Variants in ZC3H12B observed in about 807,000 individuals in gnomAD.
ZC3H12B encodes zinc finger CCCH-type containing 12B.
In ZC3H12B, 7 loss-of-function variants were observed where a neutral mutation model predicts 43.9. That is an observed-to-expected ratio of 0.16 (90% confidence interval 0.09 to 0.30). The LOEUF (loss-of-function observed/expected upper bound fraction) is 0.30. ZC3H12B is among the 10% of genes least tolerant of loss of function. The pLI, the probability that ZC3H12B is intolerant of heterozygous loss-of-function variation, is 1.00. For missense variants in ZC3H12B, 475 were observed against 670.2 expected, an observed-to-expected ratio of 0.71 and a Z score of 3.22; for synonymous variants, 222 against 241.7, an observed-to-expected ratio of 0.92 and a Z score of 0.76.
chrX:65,261,025 T>A, the ZC3H12B span, among the ~76,000 whole-genome samples: 2 of 112,003 alleles, frequency 1.8e-5, no homozygotes, highest in African/African-American at 6.5e-5. Context: ...CTGCTTTTCA[T>A]CACCTTTTCT....
At chrX:65,214,980 G>T in the ZC3H12B span, among the ~76,000 whole-genome samples, 1 of 111,668 alleles carries the variant, frequency 9.0e-6, no homozygotes, top group Non-Finnish European at 1.9e-5. Flanking sequence ...GTTATTGAGT[G>T]TCTAGGTGCA....
the ZC3H12B span, among the ~76,000 whole-genome samples, chrX:65,093,511 G>T: frequency 1.2e-4 from 14 of 112,300 alleles, no homozygotes; most frequent in African/African-American, 4.5e-4. Context: ...GGGCAGGGCT[G>T]TGCAAGGCCT....
At chrX:65,228,701 C>G in the ZC3H12B span, among the ~76,000 whole-genome samples, 2 of 112,068 alleles carry the variant, frequency 1.8e-5, no homozygotes, top group Middle Eastern at 4.2e-3. Context: ...GATACAAAAT[C>G]AATGTACAAA....
At chrX:65,317,970 C>T in the ZC3H12B span, among the ~76,000 whole-genome samples, 1 of 106,589 alleles carries the variant, frequency 9.4e-6, no homozygotes, top group Admixed American at 1.0e-4. Context: ...GTGAGTTTTG[C>T]TGCTATAAAC....
chrX:65,413,274 C>T (rs772808753), intron 3 of ZC3H12B, among the ~76,000 whole-genome samples: 1 of 111,566 alleles, frequency 9.0e-6, no homozygotes, highest in Non-Finnish European at 1.9e-5. Flanking sequence ...TGATCATGTT[C>T]GTTAAAGTAC....
chrX:65,304,083 G>T, the ZC3H12B span, among the ~76,000 whole-genome samples: 1 of 112,149 alleles, frequency 8.9e-6, no homozygotes, highest in Non-Finnish European at 1.9e-5. Flanking sequence ...GAGCCAAAAC[G>T]TTATGTGGAA....
At chrX:65,456,409 C>G (rs1375006588) in intron 3 of ZC3H12B, among the ~76,000 whole-genome samples, 1 of 40,291 alleles carries the variant, frequency 2.5e-5, no homozygotes, top group Non-Finnish European at 4.2e-5. Flanking sequence ...CTCTCCCTCT[C>G]CCTCTCCCTC....
the ZC3H12B span, among the ~76,000 whole-genome samples, chrX:65,083,673 T>C: frequency 8.9e-6 from 1 of 111,849 alleles, no homozygotes; most frequent in African/African-American, 3.2e-5. Flanking sequence ...AAAATGTCCA[T>C]ACTACTCCCA....
upstream of ZC3H12B, among the ~76,000 whole-genome samples, chrX:65,485,211 T>A (rs945110273): frequency 3.6e-5 from 4 of 112,226 alleles, no homozygotes; most frequent in African/African-American, 1.3e-4. Flanking sequence ...CTTTAATACA[T>A]TCATTTGTGG....
At chrX:65,126,145 A>G in the ZC3H12B span, among the ~76,000 whole-genome samples, 1 of 109,305 alleles carries the variant, frequency 9.1e-6, no homozygotes, top group African/African-American at 3.3e-5. Context: ...TTCAAGATCT[A>G]GAGCTCCTTT....
exon 5 of ZC3H12B, chrX:65,503,831 G>T: frequency 9.0e-6 from 1 of 110,947 alleles, no homozygotes; most frequent in Non-Finnish European, 1.9e-5. Flanking sequence ...TGGCCAGGCT[G>T]GTCTCAAACT....
chrX:65,176,249 C>T, the ZC3H12B span, among the ~76,000 whole-genome samples: 1 of 111,535 alleles, frequency 9.0e-6, no homozygotes, highest in Non-Finnish European at 1.9e-5. Flanking sequence ...CAGTTTTCTC[C>T]TCACAGTGTA....
the ZC3H12B span, among the ~76,000 whole-genome samples, chrX:65,190,462 C>G: frequency 1.8e-5 from 2 of 110,674 alleles, no homozygotes; most frequent in African/African-American, 6.6e-5. Flanking sequence ...TTTGTATCCT[C>G]TTTTATTTCC....
chrX:65,058,231 T>G, the ZC3H12B span, among the ~76,000 whole-genome samples: 3 of 111,669 alleles, frequency 2.7e-5, no homozygotes, highest in African/African-American at 9.8e-5. Flanking sequence ...CTTTGGTCTT[T>G]GATGATGGTG....
At chrX:65,330,682 G>T in the ZC3H12B span, 1 of 117,834 alleles carries the variant, frequency 8.5e-6, no homozygotes, top group Non-Finnish European at 1.8e-5. Context: ...TTTGTCTTTG[G>T]TTCTGTTTAT....
intron 3 of ZC3H12B, among the ~76,000 whole-genome samples, chrX:65,437,492 T>C (rs930473366): frequency 5.3e-5 from 6 of 112,673 alleles, no homozygotes; most frequent in Non-Finnish European, 1.1e-4. Flanking sequence ...TTCTCTGATC[T>C]TCAATAATGT....
chrX:65,428,445 G>A (rs2067110603), intron 3 of ZC3H12B, among the ~76,000 whole-genome samples: 1 of 112,062 alleles, frequency 8.9e-6, no homozygotes, highest in Admixed American at 9.5e-5. Flanking sequence ...TGGAGGTTTT[G>A]TTCATGTTTT....
the ZC3H12B span, among the ~76,000 whole-genome samples, chrX:65,125,397 G>T: frequency 2.7e-5 from 3 of 111,347 alleles, no homozygotes; most frequent in Non-Finnish European, 3.8e-5. Flanking sequence ...ACTGAGACTT[G>T]TTTATGGACT....
At chrX:65,050,430 T>C in the ZC3H12B span, among the ~76,000 whole-genome samples, 8 of 111,156 alleles carry the variant, frequency 7.2e-5, no homozygotes, top group Admixed American at 1.9e-4. Flanking sequence ...GGATTTCCAA[T>C]GCTATGTTGA....
Sources: gnomAD v4.1 joint callset for allele counts (sites outside exome capture counted in the v4.1 genomes callset) on GRCh38, gnomAD v4.1.1 for gene constraint, MANE v1.5 for transcripts, NCBI Gene and HGNC (gene_info 2026-07-23, HGNC 2026-07-21) for gene names.